CADM2: variants seen among roughly 807,000 people sequenced by gnomAD.
CADM2 encodes the protein cell adhesion molecule 2.
A neutral mutation model predicts 49.8 loss-of-function variants in CADM2; 12 were observed. That is an observed-to-expected ratio of 0.24 (90% CI 0.15 to 0.39). The LOEUF is 0.39. Ranked by LOEUF, CADM2 falls within the 10% of genes least tolerant of loss-of-function variation. The probability of loss-of-function intolerance (pLI) is 1.00; values close to 1 mark genes in which losing one functional copy is unlikely to be tolerated. For missense variants in CADM2, 378 were observed against 492.3 expected (o/e 0.77, Z 2.20); for synonymous variants, 214 against 175.4 (o/e 1.22, Z -1.74).
chr3:85,477,445 C>G (rs2039024843), intron 1 of CADM2, among the ~76,000 whole-genome samples: 1 of 151,400 alleles, frequency 6.6e-6, no homozygotes, highest in Non-Finnish European at 1.5e-5. Context: ...GAATTGTAAC[C>G]AAAGGTACTT....
intron 1 of CADM2, among the ~76,000 whole-genome samples, chr3:85,647,363 C>T (rs2064919750): frequency 6.6e-6 from 1 of 151,238 alleles, no homozygotes; most frequent in Non-Finnish European, 1.5e-5. Flanking sequence ...TTTTCTTATA[C>T]CTAGAATGTT....
At chr3:85,178,150 G>A (rs1418610071) in intron 1 of CADM2, among the ~76,000 whole-genome samples, 1 of 151,786 alleles carries the variant, frequency 6.6e-6, no homozygotes, top group Non-Finnish European at 1.5e-5. Flanking sequence ...AATAAATATA[G>A]AAGTCAGTTT....
intron 8 of CADM2, among the ~76,000 whole-genome samples, chr3:85,986,825 C>T (rs942196995): frequency 6.6e-6 from 1 of 152,044 alleles, no homozygotes; most frequent in African/African-American, 2.4e-5. Context: ...AGTATCACAT[C>T]GTACATGCTT....
At chr3:86,038,917 G>T (rs576320665) in intron 8 of CADM2, among the ~76,000 whole-genome samples, 2 of 152,312 alleles carry the variant, frequency 1.3e-5, no homozygotes, top group African/African-American at 4.8e-5. Context: ...TCTGCCTCTA[G>T]TGACAGCTGT....
chr3:85,077,230 G>A (rs1032211495), intron 1 of CADM2, among the ~76,000 whole-genome samples: 1 of 152,120 alleles, frequency 6.6e-6, no homozygotes. Context: ...GTGAATACTA[G>A]TTGAGGTTTG....
At chr3:85,371,608 G>A (rs1431763944) in intron 1 of CADM2, among the ~76,000 whole-genome samples, 1 of 104,160 alleles carries the variant, frequency 9.6e-6, no homozygotes, top group South Asian at 3.9e-4. Context: ...ATAATATTAA[G>A]CCACACATCA....
chr3:85,859,887 T>C (rs1054958048), intron 3 of CADM2, among the ~76,000 whole-genome samples: 2 of 152,220 alleles, frequency 1.3e-5, no homozygotes, highest in Non-Finnish European at 2.9e-5. Context: ...AGAAATACTG[T>C]TCTATTTATA....
At chr3:85,547,847 A>G (rs958910628) in intron 1 of CADM2, among the ~76,000 whole-genome samples, 1 of 151,998 alleles carries the variant, frequency 6.6e-6, no homozygotes, top group Non-Finnish European at 1.5e-5. Flanking sequence ...TGGAGAGCAC[A>G]AGTCATCTAC....
intron 1 of CADM2, among the ~76,000 whole-genome samples, chr3:85,129,090 T>C (rs1477732678): frequency 1.3e-5 from 2 of 152,168 alleles, no homozygotes; most frequent in African/African-American, 2.4e-5. Context: ...GTTATATGTA[T>C]TGCAGTCGTG....
At chr3:85,132,649 C>G (rs981209887) in intron 1 of CADM2, among the ~76,000 whole-genome samples, 1 of 148,402 alleles carries the variant, frequency 6.7e-6, no homozygotes, top group South Asian at 2.2e-4. Flanking sequence ...TATATTTAGT[C>G]ATTAGACCCT....
intron 1 of CADM2, among the ~76,000 whole-genome samples, chr3:85,428,668 TATATAATATATC>T (rs2036531078): frequency 1.4e-5 from 2 of 144,810 alleles, no homozygotes; most frequent in African/African-American, 5.1e-5. Context: ...TAATATATCA[TATATAATATATC>T]ATATATATAT....
intron 5 of CADM2, among the ~76,000 whole-genome samples, chr3:85,906,964 T>C (rs751305700): frequency 6.6e-6 from 1 of 152,202 alleles, no homozygotes; most frequent in African/African-American, 2.4e-5. Context: ...ATAGTTACTT[T>C]AGGTCAGTTA....
intron 8 of CADM2, among the ~76,000 whole-genome samples, chr3:86,053,079 C>T (rs543843659): frequency 6.6e-6 from 1 of 152,128 alleles, no homozygotes; most frequent in Admixed American, 6.6e-5. Flanking sequence ...GTATTTTCTT[C>T]TGAATTCATG....
At position 85,257,544 on chromosome 3, in the gene CADM2, T is replaced by G. The variant is rs1415683519; in HGVS notation, c.61+297876T>G. Among the ~76,000 whole-genome samples, 3 of 152,204 alleles carry G rather than the reference T, an allele frequency of 2.0e-5. No homozygotes were observed. The East Asian group carries it at 5.8e-4, about 29-fold the overall frequency. The stretch of plus-strand genomic sequence containing the variant: ...TCCCTCTTTTGCCTATTCTTCAAAT[T>G]TTGAAGGTAATGAGAAGTATTATTT... On this transcript the variant is annotated intron_variant, in intron 1 of 9. Coordinates refer to ENST00000383699, the MANE Select transcript of CADM2 (RefSeq NM_001167675.2).
At chr3:85,575,114 G>C (rs951324456) in intron 1 of CADM2, among the ~76,000 whole-genome samples, 1 of 152,182 alleles carries the variant, frequency 6.6e-6, no homozygotes, top group Non-Finnish European at 1.5e-5. Flanking sequence ...CTAGTAGAGA[G>C]AGATGAGTCT....
In CADM2 at chr3:85,779,073, G is replaced by A. The variant is rs759437477; in HGVS notation, c.89-22974G>A. Among the ~76,000 whole-genome samples the A allele has an allele frequency of 1.6e-4, 25 of 152,136 alleles. 1 individual carries two copies. The highest frequency in any genetic ancestry group is 4.1e-4 in the South Asian group (2 of 4,822). ...GGGTGAAATTTTGCTTTAAGCCATT[G>A]TCCAAATACAAGAGAGTACTTTACA... On this transcript the variant is annotated intron_variant, in intron 2 of 9. Transcript: ENST00000383699.
intron 1 of CADM2, among the ~76,000 whole-genome samples, chr3:85,530,392 G>A (rs1197476448): frequency 7.3e-6 from 1 of 137,688 alleles, no homozygotes; most frequent in Non-Finnish European, 1.6e-5. Context: ...GTGCAGTGGC[G>A]CGATCTCGGC....
At chr3:85,617,141 G>A (rs1473553503) in intron 1 of CADM2, among the ~76,000 whole-genome samples, 2 of 152,192 alleles carry the variant, frequency 1.3e-5, no homozygotes, top group Non-Finnish European at 2.9e-5. Flanking sequence ...TCTACCTGAA[G>A]ATGATGTCAG....
chr3:85,434,758 T>G (rs2036847530), intron 1 of CADM2, among the ~76,000 whole-genome samples: 1 of 152,074 alleles, frequency 6.6e-6, no homozygotes, highest in Non-Finnish European at 1.5e-5. Context: ...TAGTATTACC[T>G]AAAAACAAAA....
Sources: allele counts gnomAD v4.1 joint callset (sites outside exome capture counted in the v4.1 genomes callset), GRCh38; gene constraint gnomAD v4.1.1; transcripts MANE v1.5; gene names NCBI Gene and HGNC (gene_info 2026-07-23, HGNC 2026-07-21).